CFAP47: variants seen among roughly 807,000 people sequenced by gnomAD.
CFAP47 encodes cilia and flagella associated protein 47.
A neutral mutation model predicts 148.1 loss-of-function variants in CFAP47; 29 were observed. The observed-to-expected ratio is 0.20, with a 90% confidence interval of 0.15 to 0.27. CFAP47 has a LOEUF of 0.27. Among genes scored for constraint, CFAP47 ranks in the 10% least tolerant of loss-of-function variants. CFAP47 has a pLI of 1.00. For missense variants in CFAP47, 1,872 were observed against 1,697.5 expected (o/e 1.10, Z -1.81); for synonymous variants, 664 against 577.3 (o/e 1.15, Z -2.15).
chrX:36,103,804 A>G, intron 32 of CFAP47, among the ~76,000 whole-genome samples: 1 of 111,620 alleles, frequency 9.0e-6, no homozygotes, highest in Non-Finnish European at 1.9e-5. Context: ...CAAGCTGTTC[A>G]TCTCATCTAG....
intron 37 of CFAP47, among the ~76,000 whole-genome samples, chrX:36,159,004 G>T: frequency 9.0e-6 from 1 of 111,560 alleles, no homozygotes; most frequent in East Asian, 2.8e-4. Context: ...GCCATTATTT[G>T]GTTATGAGTT....
intron 45 of CFAP47, among the ~76,000 whole-genome samples, chrX:36,208,871 C>A (rs1353305134): frequency 9.0e-6 from 1 of 110,626 alleles, no homozygotes; most frequent in East Asian, 2.9e-4. Context: ...GAGGCTGAGG[C>A]AGGAGAATTG....
Position 35,989,434 on chromosome X carries a change from A to T in CFAP47, c.2829A>T (p.Leu943=). 5.0e-6 allele frequency: 6 copies of T among 1,211,126 alleles called. No individual in the cohort carries two copies. The highest frequency in any genetic ancestry group is 6.7e-6 in the Non-Finnish European group (6 of 894,916). Residue 943 remains leucine, a synonymous_variant, in exon 16 of 64, where the codon CTA becomes CTT. Coordinates refer to ENST00000378653, the MANE Select transcript of CFAP47 (RefSeq NM_001304548.2). ...TCTTTCAAGGAAACGCGTTGAAGCT[A>T]AAATGTGTTGCACATGTAATTATTT... ...LHVFQGNALK[L]KCVAHLGRTK...
At chrX:35,956,320 C>T in intron 8 of CFAP47, 124 bp downstream of exon 8, 1 of 539,510 alleles carries the variant, frequency 1.9e-6, no homozygotes, top group South Asian at 3.2e-5. Context: ...TCTTCTGCAG[C>T]CTAGTTATGA....
rs190373374 is a variant in CFAP47 at position 35,966,906 on chromosome X, T to G, written c.1600+152T>G. 27 of 294,770 alleles carry G rather than the reference T, an allele frequency of 9.2e-5. No homozygotes were observed. In the Admixed American group the frequency reaches 1.5e-3, roughly 16 times the overall value. The allele number at this position is 294,770 out of a possible 1,213,427, so 24.3% of individuals were successfully genotyped here. Reference sequence around the variant, plus strand: ...ACGACCGAGCTGCAACTATCAGGTCTAAAGACATATATATATGTATATATA... The same window carrying G: ...ACGACCGAGCTGCAACTATCAGGTCGAAAGACATATATATATGTATATATA... On this transcript the variant is annotated intron_variant, in intron 9 of 63. Coordinates refer to ENST00000378653, the MANE Select transcript of CFAP47 (RefSeq NM_001304548.2).
chrX:36,370,547 C>T (rs1304294289), intron 62 of CFAP47, among the ~76,000 whole-genome samples: 1 of 109,786 alleles, frequency 9.1e-6, no homozygotes, highest in Admixed American at 9.9e-5. Context: ...TTATTTTCTA[C>T]AGCAAATGGA....
At chrX:36,126,247 G>A (rs1039699107) in intron 33 of CFAP47, among the ~76,000 whole-genome samples, 1 of 109,266 alleles carries the variant, frequency 9.2e-6, no homozygotes, top group Non-Finnish European at 1.9e-5. Context: ...CCCTCCCCTA[G>A]GCTCCCACCC....
intron 39 of CFAP47, among the ~76,000 whole-genome samples, chrX:36,171,859 A>T (rs1235420710): frequency 2.7e-5 from 3 of 109,452 alleles, no homozygotes; most frequent in Non-Finnish European, 5.7e-5. Context: ...CTTGATGGGG[A>T]TGGCATTGAA....
At chrX:36,360,389 G>A (rs782692846) in intron 60 of CFAP47, among the ~76,000 whole-genome samples, 4 of 111,544 alleles carry the variant, frequency 3.6e-5, no homozygotes, top group Non-Finnish European at 5.6e-5. Flanking sequence ...CACATCTGGC[G>A]CCTGTGTCTA....
At chrX:36,262,368 C>A (rs1940839174) in intron 49 of CFAP47, among the ~76,000 whole-genome samples, 1 of 111,595 alleles carries the variant, frequency 9.0e-6, no homozygotes, top group African/African-American at 3.3e-5. Context: ...CCACCAACCC[C>A]CCACTACCCT....
chrX:36,005,262 G>T (rs1364280645), intron 21 of CFAP47, among the ~76,000 whole-genome samples: 1 of 109,584 alleles, frequency 9.1e-6, no homozygotes, highest in African/African-American at 3.3e-5. Flanking sequence ...TTATTTTTAA[G>T]TGTGAAATGT....
intron 49 of CFAP47, among the ~76,000 whole-genome samples, chrX:36,260,303 C>T (rs1940802260): frequency 8.9e-6 from 1 of 112,181 alleles, no homozygotes; most frequent in Non-Finnish European, 1.9e-5. Flanking sequence ...AGTATCCAAA[C>T]TGCTTTCCAC....
intron 33 of CFAP47, among the ~76,000 whole-genome samples, chrX:36,134,871 A>T (rs2146827694): frequency 9.0e-6 from 1 of 111,220 alleles, no homozygotes; most frequent in Non-Finnish European, 1.9e-5. Flanking sequence ...CTCCAAATTC[A>T]ACAACAAGAA....
chrX:36,228,834 A>C lies in CFAP47; in HGVS notation c.7014+10A>C. Reference sequence around the variant, plus strand: ...TCAGAATATTCCAATAGTATGTATAAACTTTTTTGGTACCTTTCTTTATTC... The same window carrying C: ...TCAGAATATTCCAATAGTATGTATACACTTTTTTGGTACCTTTCTTTATTC... On this transcript the variant is annotated intron_variant, in intron 46 of 63. Transcript: ENST00000378653. The C allele has an allele frequency of 1.9e-6, 1 of 515,538 alleles. No homozygotes were observed. Among genetic ancestry groups the C allele is most frequent in the East Asian group, 3.6e-5 (1 of 27,484 alleles). The allele number at this position is 515,538 out of a possible 1,213,427, so 42.5% of individuals were successfully genotyped here.
At chrX:35,991,132 C>T (rs1362669498) in intron 16 of CFAP47, among the ~76,000 whole-genome samples, 6 of 111,219 alleles carry the variant, frequency 5.4e-5, no homozygotes, top group African/African-American at 9.8e-5. Context: ...CTTAATCACC[C>T]GAAATTTTGG....
chrX:35,996,209 G>T (rs1936846095), intron 18 of CFAP47, among the ~76,000 whole-genome samples: 1 of 111,273 alleles, frequency 9.0e-6, no homozygotes, highest in African/African-American at 3.3e-5. Context: ...TGGGACTTGT[G>T]TATGGGGTTT....
At chrX:36,222,326 C>A (rs1235479683) in intron 45 of CFAP47, among the ~76,000 whole-genome samples, 2 of 109,921 alleles carry the variant, frequency 1.8e-5, no homozygotes, top group Non-Finnish European at 3.8e-5. Flanking sequence ...TTCTTCTTTT[C>A]TTCCTTTCTT....
chrX:36,114,322 C>T (rs1313851285), intron 33 of CFAP47, among the ~76,000 whole-genome samples: 1 of 111,387 alleles, frequency 9.0e-6, no homozygotes, highest in Non-Finnish European at 1.9e-5. Context: ...GATCCTTATT[C>T]CTATCCATCT....
intron 21 of CFAP47, among the ~76,000 whole-genome samples, chrX:36,008,857 C>A (rs1209465339): frequency 9.0e-6 from 1 of 111,428 alleles, no homozygotes. Context: ...TGCCAGTTCC[C>A]CTCTGTGAAA....
Sources: allele counts gnomAD v4.1 joint callset (sites outside exome capture counted in the v4.1 genomes callset), GRCh38; gene constraint gnomAD v4.1.1; transcripts MANE v1.5; gene names NCBI Gene and HGNC (gene_info 2026-07-23, HGNC 2026-07-21).